Variants in PADI1 observed in about 807,000 individuals in gnomAD.
PADI1 encodes protein-arginine deiminase type-1.
Under a neutral mutation model 74.8 loss-of-function variants are expected in PADI1, and 65 were observed. The observed-to-expected ratio is 0.87, with a 90% confidence interval of 0.71 to 1.07. The LOEUF (loss-of-function observed/expected upper bound fraction) is 1.07. PADI1 is among the 50% of genes least tolerant of loss of function. The probability of loss-of-function intolerance (pLI) is 0.00; values close to 1 mark genes in which losing one functional copy is unlikely to be tolerated. For synonymous variants in PADI1, 371 were observed against 336.2 expected, an observed-to-expected ratio of 1.10 and a Z score of -1.13; for missense variants, 943 against 854.0, an observed-to-expected ratio of 1.10 and a Z score of -1.30.
At chr1:17,229,106 A>G (rs2072413747) in intron 8 of PADI1, 55 bp downstream of exon 8, 13 of 1,110,802 alleles carry the variant, frequency 1.2e-5, no homozygotes, top group South Asian at 8.1e-5. Context: ...AGGTAGGGAC[A>G]GAAGCTGCCT....
chr1:17,217,729 G>A (rs571421566), intron 1 of PADI1, among the ~76,000 whole-genome samples: 1 of 152,222 alleles, frequency 6.6e-6, no homozygotes, highest in African/African-American at 2.4e-5. Context: ...GTCCAATGAT[G>A]TTGGGCTGGT....
chr1:17,217,266 A>G (rs1486346833), intron 1 of PADI1, among the ~76,000 whole-genome samples: 1 of 152,146 alleles, frequency 6.6e-6, no homozygotes, highest in Non-Finnish European at 1.5e-5. Flanking sequence ...CTGAAACTCC[A>G]TGGATCACCT....
chr1:17,235,168 G>C (rs999207911), intron 11 of PADI1, among the ~76,000 whole-genome samples: 9 of 138,246 alleles, frequency 6.5e-5, no homozygotes, highest in Non-Finnish European at 1.3e-4. Context: ...AGGGAGGAAG[G>C]GAAGGAAGGA....
At chr1:17,239,521 G>C in intron 13 of PADI1, 183 bp from the exon 14 acceptor site, 1 of 564,124 alleles carries the variant, frequency 1.8e-6, no homozygotes. Context: ...CCATCACCAG[G>C]TTTTCCTTGC....
chr1:17,239,705 G>A lies in PADI1; in HGVS notation c.1554G>A (p.Gly518=), dbSNP rs142153004. 1.2e-6 allele frequency: 2 copies of A among 1,613,258 alleles called. No homozygotes were observed. Among genetic ancestry groups the A allele is most frequent in the African/African-American group, 1.3e-5 (1 of 75,044 alleles). ...TGTACTGTCTTTCTCTTCTTGCAGGGTTAAAACACCAGGCAAAAAGAAGCA... is the reference window on the plus strand; with the variant it reads ...TGTACTGTCTTTCTCTTCTTGCAGGATTAAAACACCAGGCAAAAAGAAGCA... ...EGYGEAAQFD[G]LKHQAKRSIN... Residue 518 remains glycine, a splice_region_variant and synonymous_variant, in exon 14 of 16, where the codon GGG becomes GGA. Transcript: ENST00000375471.
rs375816133 is a variant in PADI1, at chr1:17,230,489, T to TGCCCC, written c.1054-82_1054-78dup. On this transcript the variant is annotated intron_variant, in intron 9 of 15. Coordinates refer to ENST00000375471, the MANE Select transcript of PADI1 (RefSeq NM_013358.3). ...TTAGGGAAGACCCGCTGCCCTGCCCTGCCCCAGGCCTGGTGGGGACCACCC... is the reference window on the plus strand; with the variant it reads ...TTAGGGAAGACCCGCTGCCCTGCCCTGCCCCGCCCCAGGCCTGGTGGGGACCACCC... The TGCCCC allele has an allele frequency of 1.7e-5, 16 of 966,498 alleles. No homozygotes were observed. The African/African-American group carries it at 2.1e-4, about 13-fold the overall frequency. The allele number at this position is 966,498 out of a possible 1,614,324, so 59.9% of individuals were successfully genotyped here. A position where few individuals can be genotyped will look rare whatever the true frequency, so the allele number is the denominator to read the frequency against.
At chr1:17,222,966 C>T (rs899541144) in intron 2 of PADI1, among the ~76,000 whole-genome samples, 1 of 152,240 alleles carries the variant, frequency 6.6e-6, no homozygotes, top group African/African-American at 2.4e-5. Context: ...GCACCCAAAT[C>T]CTAGACATGG....
intron 6 of PADI1, among the ~76,000 whole-genome samples, chr1:17,226,778 G>A (rs753711042): frequency 4.6e-5 from 7 of 151,900 alleles, no homozygotes; most frequent in Admixed American, 2.6e-4. Flanking sequence ...GGCCGGGCAC[G>A]GTGGCTCACA....
At chr1:17,228,199 C>A (rs1026242405) in intron 6 of PADI1, among the ~76,000 whole-genome samples, 16 of 152,102 alleles carry the variant, frequency 1.1e-4, no homozygotes, top group African/African-American at 3.1e-4. Flanking sequence ...CCTATGTTAC[C>A]CAGGCTGGTC....
At position 17,225,388 on chromosome 1, in the gene PADI1, T is replaced by C. The variant is rs566075001; in HGVS notation, c.409-423T>C. Among the ~76,000 whole-genome samples the C allele has an allele frequency of 4.4e-3, 673 of 152,276 alleles. 5 individuals are homozygous for C. Among genetic ancestry groups the C allele is most frequent in the African/African-American group, 0.016 (648 of 41,562 alleles). The stretch of plus-strand genomic sequence containing the variant: ...TGCATGCGGATGCCAGAGATATCTA[T>C]GGGACAGGTTCCAGGAGAGTGCTGG... On this transcript the variant is annotated intron_variant, in intron 4 of 15. Coordinates refer to ENST00000375471, the MANE Select transcript of PADI1 (RefSeq NM_013358.3).
At chr1:17,230,361 C>T (rs550333554) in intron 9 of PADI1, among the ~76,000 whole-genome samples, 153 bp downstream of exon 9, 58 of 152,320 alleles carry the variant, frequency 3.8e-4, no homozygotes, top group African/African-American at 1.3e-3. Context: ...GCATCAGCCC[C>T]AGCCTCCACT....
chr1:17,217,242 A>G (rs2072004516), intron 1 of PADI1, among the ~76,000 whole-genome samples: 1 of 152,216 alleles, frequency 6.6e-6, no homozygotes, highest in South Asian at 2.1e-4. Flanking sequence ...GACCCACTGT[A>G]AGATGAACCT....
chr1:17,240,791 G>T (rs375827942), intron 15 of PADI1, 31 bp downstream of exon 15: 1 of 1,606,188 alleles, frequency 6.2e-7, no homozygotes. Context: ...TCCTGCTGGG[G>T]GGTCTGCGGG....
In PADI1 at chr1:17,244,671, G is replaced by A; in HGVS notation, c.*428G>A. 1 of 353,514 alleles carries A rather than the reference G, an allele frequency of 2.8e-6. No individual in the cohort carries two copies. The highest frequency in any genetic ancestry group is 2.1e-5 in the South Asian group (1 of 46,982). 21.9% of individuals were successfully genotyped at this position (353,514 alleles called of 1,614,324 possible). On this transcript the variant is annotated 3_prime_UTR_variant, in exon 16 of 16. Transcript: ENST00000375471. Reference sequence around the variant, plus strand: ...TGGGGTCTGGTGTGCCAGGCACCAGGCTGCCTCTGCTCTTGGAAAACTAGG... The same window carrying A: ...TGGGGTCTGGTGTGCCAGGCACCAGACTGCCTCTGCTCTTGGAAAACTAGG...
chr1:17,226,033 A>G lies in PADI1; in HGVS notation c.527A>G (p.Asp176Gly). Residue 176 changes from aspartate to glycine, a missense_variant and splice_region_variant, in exon 6 of 16, where the codon GAC (aspartate) becomes GGC (glycine). Physicochemically the swap from Asp to Gly is moderately conservative, Grantham distance 94 (BLOSUM62 -1). Transcript: ENST00000375471. Reference sequence around the variant, plus strand: ...ATCTCAAGAGGGCCACTCTCTCCAGACCTGCAGGACATGTCCCCAATGCTG... The same window carrying G: ...ATCTCAAGAGGGCCACTCTCTCCAGGCCTGCAGGACATGTCCCCAATGCTG... Reference protein sequence around the residue: ...LTHSWLMSLADLQDMSPMLLS... With the variant: ...LTHSWLMSLAGLQDMSPMLLS... 6.2e-7 allele frequency: 1 copy of G among 1,614,156 alleles called. No individual in the cohort carries two copies. The highest frequency in any genetic ancestry group is 2.2e-5 in the East Asian group (1 of 44,868).
Position 17,244,535 on chromosome 1 carries a change from G to C in PADI1, c.*292G>C, listed in dbSNP as rs2072845672. 2.0e-6 allele frequency: 1 copy of C among 503,608 alleles called. No individual in the cohort carries two copies. The highest frequency in any genetic ancestry group is 1.9e-5 in the African/African-American group (1 of 52,182). The allele number at this position is 503,608 out of a possible 1,614,324, so 31.2% of individuals were successfully genotyped here. On this transcript the variant is annotated 3_prime_UTR_variant, in exon 16 of 16. Coordinates refer to ENST00000375471, the MANE Select transcript of PADI1 (RefSeq NM_013358.3). ...AGCATGTTCCAGAATGGCTGTGGGA[G>C]GCCTAGGGAGATGGGCCCCACTTAG...
rs571661889 is a variant in PADI1 at position 17,238,652 on chromosome 1, C to T, written c.1495C>T (p.Leu499Phe). 72 of 1,555,254 alleles carry T rather than the reference C, an allele frequency of 4.6e-5. 1 individual carries two copies. In the East Asian group the frequency reaches 1.7e-3, roughly 37 times the overall value. The change falls in exon 13 of 16, where the codon CTC (leucine) becomes TTC (phenylalanine). Residue 499 changes from leucine to phenylalanine, a missense_variant. Coordinates refer to ENST00000375471, the MANE Select transcript of PADI1 (RefSeq NM_013358.3). ...GCTCCTGGCTAGCCCCAGCGCTTGC[C>T]TCAAACTCTTCCAAGAGAAGAAAGA... is the stretch of plus-strand genomic sequence containing the variant. Reference protein sequence around the residue: ...RLLLASPSACLKLFQEKKEEG... With the variant: ...RLLLASPSACFKLFQEKKEEG...
chr1:17,209,384 C>T (rs929771488), intron 1 of PADI1, among the ~76,000 whole-genome samples: 10 of 152,176 alleles, frequency 6.6e-5, no homozygotes, highest in African/African-American at 2.2e-4. Flanking sequence ...TGGGGTCCTC[C>T]GCAAGTTCCA....
chr1:17,219,968 G>A (rs1310622950), intron 1 of PADI1, among the ~76,000 whole-genome samples: 2 of 152,128 alleles, frequency 1.3e-5, no homozygotes, highest in South Asian at 2.1e-4. Context: ...GGGATTGAAA[G>A]GGAGTTGGGG....
Sources: allele counts gnomAD v4.1 joint callset (sites outside exome capture counted in the v4.1 genomes callset), GRCh38; gene constraint gnomAD v4.1.1; transcripts MANE v1.5; gene names NCBI Gene and HGNC (gene_info 2026-07-23, HGNC 2026-07-21).